Variants in EIF4E2 observed in about 807,000 individuals in gnomAD.
EIF4E2 encodes the protein eukaryotic translation initiation factor 4E type 2.
Under a neutral mutation model 34.2 loss-of-function variants are expected in EIF4E2, and 13 were observed. That is an observed-to-expected ratio of 0.38 (90% CI 0.25 to 0.60). EIF4E2 has a LOEUF of 0.60. EIF4E2 is among the 20% of genes least tolerant of loss of function. EIF4E2 has a pLI of 0.62. For synonymous variants in EIF4E2, 100 were observed against 106.6 expected (o/e 0.94, Z 0.38); for missense variants, 222 against 315.1 (o/e 0.70, Z 2.24).
At chr2:232,561,302 T>A (rs1692716335) in intron 3 of EIF4E2, among the ~76,000 whole-genome samples, 1 of 148,704 alleles carries the variant, frequency 6.7e-6, no homozygotes, top group South Asian at 2.1e-4. Context: ...TATGCATACT[T>A]CTTGCATTTT....
rs1240285598 is a variant in EIF4E2 at position 232,569,065 on chromosome 2, A to G, written c.*48A>G. On this transcript the variant is annotated 3_prime_UTR_variant, in exon 7 of 7. Transcript: ENST00000258416. Reference sequence around the variant, plus strand: ...CCATCATTGAAGCTGGCGTCATCGGAGTCTCTTGTTCTGTTGGCGTGCTAC... The same window carrying G: ...CCATCATTGAAGCTGGCGTCATCGGGGTCTCTTGTTCTGTTGGCGTGCTAC... 27 of 1,606,594 alleles carry G rather than the reference A, an allele frequency of 1.7e-5. No individual in the cohort carries two copies. The highest frequency in any genetic ancestry group is 2.3e-5 in the Non-Finnish European group (27 of 1,176,564).
At chr2:232,564,871 T>C (rs1692865398) in intron 4 of EIF4E2, among the ~76,000 whole-genome samples, 1 of 152,224 alleles carries the variant, frequency 6.6e-6, no homozygotes, top group South Asian at 2.1e-4. Context: ...TGCTGGGTGT[T>C]TTTTAAAGAC....
intron 4 of EIF4E2, 83 bp downstream of exon 4, chr2:232,564,434 GTATTTTATTTTATTT>G (rs10603391): frequency 3.4e-5 from 18 of 528,626 alleles, no homozygotes; most frequent in South Asian, 1.2e-4. Flanking sequence ...AAGGTTAAAA[GTATTTTATTTTATTT>G]TATTTTATTT....
At chr2:232,560,820 C>T (rs972402127) in intron 3 of EIF4E2, among the ~76,000 whole-genome samples, 3 of 152,150 alleles carry the variant, frequency 2.0e-5, no homozygotes, top group African/African-American at 7.2e-5. Context: ...AAGCAAAGAT[C>T]TTGTTTAGTT....
At position 232,566,777 on chromosome 2, in the gene EIF4E2, A is replaced by G. The variant is rs1293476202; in HGVS notation, c.376-52A>G. The stretch of plus-strand genomic sequence containing the variant: ...TTGGCTTTTTACTGCCTTCATACAA[A>G]AAAAGGCTGTGAAACCATATTTTAA... On this transcript the variant is annotated intron_variant, in intron 4 of 6. Transcript: ENST00000258416. The surrounding 1 kb of genome is among the most constrained non-coding windows in gnomAD (Gnocchi z 4.9). The G allele has an allele frequency of 6.2e-7, 1 of 1,607,326 alleles. No homozygotes were observed. Among genetic ancestry groups the G allele is most frequent in the Non-Finnish European group, 8.5e-7 (1 of 1,177,470 alleles).
intron 2 of EIF4E2, 170 bp from the exon 3 acceptor site, chr2:232,557,714 C>A: frequency 1.4e-6 from 1 of 731,136 alleles, no homozygotes; most frequent in Non-Finnish European, 2.3e-6. Flanking sequence ...ATCAGTTAAC[C>A]ACTGAGGAAA....
At chr2:232,565,191 A>G (rs1692878388) in intron 4 of EIF4E2, among the ~76,000 whole-genome samples, 1 of 152,102 alleles carries the variant, frequency 6.6e-6, no homozygotes, top group African/African-American at 2.4e-5. Flanking sequence ...CTTGCACCTC[A>G]TTTACCTTTC....
rs1181877889 is a variant in EIF4E2 at position 232,557,886 on chromosome 2, T to C, written c.138T>C (p.Ala46=). The C allele has an allele frequency of 2.5e-6, 4 of 1,613,176 alleles. No homozygotes were observed. Among genetic ancestry groups the C allele is most frequent in the East Asian group, 2.2e-5 (1 of 44,892 alleles). Residue 46 remains alanine (A), a splice_region_variant and synonymous_variant, in exon 3 of 7, where the codon GCT becomes GCC. Transcript: ENST00000258416. ...DKNQSSSKRK[A]VVPGPAEHPL... ...AACACACCTTCTTTACTTCCCAGGC[T>C]GTTGTCCCTGGACCGGCAGAGCATC...
rs750250403 is a variant in EIF4E2 at position 232,550,767 on chromosome 2, C to G, written c.20+23C>G. 1.3e-5 allele frequency: 20 copies of G among 1,557,158 alleles called. No individual in the cohort carries two copies. In the Middle Eastern group the frequency reaches 5.0e-4, roughly 39 times the overall value. ...CGCGTGAGTGGCTCGTGGCCGCCCC[C>G]GGGGCCCCTTCCCCGAACAGTTCCC... is the stretch of plus-strand genomic sequence containing the variant. On this transcript the variant is annotated intron_variant, in intron 1 of 6. Transcript: ENST00000258416.
At chr2:232,572,501 G>A (rs1480309788), downstream of EIF4E2, among the ~76,000 whole-genome samples, 1 of 152,076 alleles carries the variant, frequency 6.6e-6, no homozygotes, top group Non-Finnish European at 1.5e-5. Context: ...GAGTAGCTGG[G>A]ATTACAGGTG....
chr2:232,552,349 T>C (rs1305649847), intron 1 of EIF4E2, among the ~76,000 whole-genome samples: 1 of 152,186 alleles, frequency 6.6e-6, no homozygotes, highest in South Asian at 2.1e-4. Context: ...GTAGCCGGAC[T>C]ACAGGCATGT....
At chr2:232,582,619 C>T (rs1693385754) in exon 7 of EIF4E2, 1 of 152,192 alleles carries the variant, frequency 6.6e-6, no homozygotes, top group Non-Finnish European at 1.5e-5. Flanking sequence ...CCAGGGAGGT[C>T]TTCACTTTTG....
intron 6 of EIF4E2, among the ~76,000 whole-genome samples, chr2:232,575,178 C>T (rs181792873): frequency 1.1e-5 from 1 of 94,302 alleles, no homozygotes; most frequent in African/African-American, 3.6e-5. Flanking sequence ...GTAGTAGCTA[C>T]CTCAAAATTC....
exon 7 of EIF4E2, chr2:232,582,560 A>T (rs1693384605): frequency 6.6e-6 from 1 of 152,208 alleles, no homozygotes; most frequent in South Asian, 2.1e-4. Context: ...CTCGGCAAAT[A>T]TAAGAGCACC....
chr2:232,563,385 T>C (rs1264890780), intron 3 of EIF4E2, among the ~76,000 whole-genome samples: 3 of 150,780 alleles, frequency 2.0e-5, no homozygotes, highest in Non-Finnish European at 4.4e-5. Flanking sequence ...CCCTGTCTCT[T>C]TTTTTTTTCT....
chr2:232,562,993 G>C (rs925599451), intron 3 of EIF4E2, among the ~76,000 whole-genome samples: 1 of 152,208 alleles, frequency 6.6e-6, no homozygotes, highest in African/African-American at 2.4e-5. Flanking sequence ...TAAAGGGACA[G>C]CCATTTCACG....
chr2:232,570,374 A>G (rs1693062302), downstream of EIF4E2, among the ~76,000 whole-genome samples: 1 of 152,210 alleles, frequency 6.6e-6, no homozygotes, highest in South Asian at 2.1e-4. Flanking sequence ...AGTATTTGTC[A>G]AAGAATTACC....
At position 232,581,471 on chromosome 2, in the gene EIF4E2, C is replaced by G. The variant is rs1693359201; in HGVS notation, c.*528C>G. 3.4e-6 allele frequency: 1 copy of G among 291,954 alleles called. No individual in the cohort carries two copies. Among genetic ancestry groups the G allele is most frequent in the Non-Finnish European group, 6.6e-6 (1 of 150,984 alleles). 18.1% of individuals were successfully genotyped at this position (291,954 alleles called of 1,614,324 possible). A position where few individuals can be genotyped will look rare whatever the true frequency, so the allele number is the denominator to read the frequency against. ...CCTCCAAGCCCACCACTTTCTGAAG[C>G]TGTGTTACTGATGTGATGACTGTCC... is the stretch of plus-strand genomic sequence containing the variant. On this transcript the variant is annotated 3_prime_UTR_variant, in exon 7 of 7. Coordinates refer to the EIF4E2 transcript ENST00000409098. The surrounding 1 kb of genome is among the most constrained non-coding windows in gnomAD (Gnocchi z 5.2).
intron 2 of EIF4E2, among the ~76,000 whole-genome samples, chr2:232,557,167 C>A (rs1692550644): frequency 6.6e-6 from 1 of 152,210 alleles, no homozygotes; most frequent in African/African-American, 2.4e-5. Flanking sequence ...ATCGCTTGAA[C>A]CCAGGAGGCA....
Sources: gnomAD v4.1 joint callset for allele counts (sites outside exome capture counted in the v4.1 genomes callset) on GRCh38, gnomAD v4.1.1 for gene constraint, Gnocchi (gnomAD v3.1) non-coding constraint, MANE v1.5 for transcripts, NCBI Gene and HGNC (gene_info 2026-07-23, HGNC 2026-07-21) for gene names.